LHFPL3: variants seen among roughly 807,000 people sequenced by gnomAD.
LHFPL3 encodes the protein LHFPL tetraspan subfamily member 3 protein.
Under a neutral mutation model 19.3 loss-of-function variants are expected in LHFPL3, and 5 were observed. The observed-to-expected ratio is 0.26, with a 90% CI of 0.14 to 0.54. LHFPL3 has a LOEUF of 0.54. Ranked by LOEUF, LHFPL3 falls within the 20% of genes least tolerant of loss-of-function variation. LHFPL3 has a pLI of 0.94. For synonymous variants in LHFPL3, 133 were observed against 126.2 expected (o/e 1.05, Z -0.36); for missense variants, 249 against 307.4 (o/e 0.81, Z 1.42).
At chr7:104,773,271 G>A (rs1018893309) in intron 2 of LHFPL3, among the ~76,000 whole-genome samples, 6 of 152,188 alleles carry the variant, frequency 3.9e-5, no homozygotes, top group Non-Finnish European at 8.8e-5. Context: ...GTGCCTCTGG[G>A]GGTGGGCCCA....
At chr7:104,899,348 A>G (rs1348263915) in intron 2 of LHFPL3, among the ~76,000 whole-genome samples, 3 of 152,152 alleles carry the variant, frequency 2.0e-5, no homozygotes, top group African/African-American at 4.8e-5. Context: ...CTGAACACAC[A>G]CATTTAACCA....
chr7:104,898,962 G>A (rs1750090782), intron 2 of LHFPL3, among the ~76,000 whole-genome samples: 3 of 152,146 alleles, frequency 2.0e-5, no homozygotes, highest in South Asian at 2.1e-4. Flanking sequence ...AATTAGCCAG[G>A]CATGGTGGTA....
chr7:104,642,786 G>A (rs758666063), intron 1 of LHFPL3, among the ~76,000 whole-genome samples: 9 of 152,198 alleles, frequency 5.9e-5, no homozygotes, highest in Non-Finnish European at 8.8e-5. Context: ...TCCGTCAGAA[G>A]GCAGCTGGTG....
At chr7:104,757,987 TGTG>T (rs1438472967) in intron 2 of LHFPL3, among the ~76,000 whole-genome samples, 2 of 152,124 alleles carry the variant, frequency 1.3e-5, no homozygotes, top group Non-Finnish European at 2.9e-5. Flanking sequence ...ATAAAGAAAA[TGTG>T]GTACATATAC....
intron 1 of LHFPL3, among the ~76,000 whole-genome samples, chr7:104,575,472 G>A (rs1241722751): frequency 6.9e-6 from 1 of 145,308 alleles, no homozygotes. Flanking sequence ...AAAGTGTTAT[G>A]TGCAATTTTT....
chr7:104,880,037 C>CAA (rs531448501), intron 2 of LHFPL3, among the ~76,000 whole-genome samples: 2,387 of 142,762 alleles, frequency 0.017, 50 homozygotes, highest in African/African-American at 0.058. Flanking sequence ...TCTGTCTCTT[C>CAA]AAAAAAAAAA....
chr7:104,730,206 C>T (rs942851172), intron 1 of LHFPL3, among the ~76,000 whole-genome samples: 2 of 152,086 alleles, frequency 1.3e-5, no homozygotes, highest in South Asian at 2.1e-4. Flanking sequence ...AGTAAACATA[C>T]GTGTACATGT....
At chr7:104,771,104 A>T (rs1794542693) in intron 2 of LHFPL3, among the ~76,000 whole-genome samples, 1 of 152,108 alleles carries the variant, frequency 6.6e-6, no homozygotes, top group South Asian at 2.1e-4. Flanking sequence ...CAGCCCTTCC[A>T]GTTCTTTCTC....
At chr7:104,575,933 G>A (rs1790329895) in intron 1 of LHFPL3, among the ~76,000 whole-genome samples, 2 of 152,076 alleles carry the variant, frequency 1.3e-5, no homozygotes, top group Non-Finnish European at 2.9e-5. Context: ...TTTTGGAAAG[G>A]GTGGCTAAGG....
chr7:104,442,519 A>C (rs1792247637), intron 1 of LHFPL3, among the ~76,000 whole-genome samples: 1 of 152,202 alleles, frequency 6.6e-6, no homozygotes, highest in Admixed American at 6.5e-5. Flanking sequence ...AACTCAGTAC[A>C]TTGCTAAAGC....
At position 104,513,744 on chromosome 7, in the gene LHFPL3, A is replaced by G. The variant is rs571241648; in HGVS notation, c.445+184520A>G. On this transcript the variant is annotated intron_variant, in intron 1 of 2. Coordinates refer to ENST00000424859, the MANE Select transcript of LHFPL3 (RefSeq NM_199000.3). ...TCAGGGGAGCTTTAAAAAAATACCA[A>G]TATCTGGATCCCATCCCCAAGAATT... Among the ~76,000 whole-genome samples, 11 of 152,294 alleles carry G rather than the reference A, an allele frequency of 7.2e-5. No homozygotes were observed. The East Asian group carries it at 1.9e-3, about 27-fold the overall frequency.
Position 104,546,678 on chromosome 7 carries a change from G to C in LHFPL3, c.446-189997G>C, listed in dbSNP as rs543777220. 2.0e-5 allele frequency among the ~76,000 whole-genome samples: 3 copies of C among 152,274 alleles called. No homozygotes were observed. In the South Asian group the frequency reaches 6.2e-4, roughly 32 times the overall value. ...CTGTAGCTGTACAAAATCATATAGAGAGCTCACCACTTTCAATTAATTCGG... is the reference window on the plus strand; with the variant it reads ...CTGTAGCTGTACAAAATCATATAGACAGCTCACCACTTTCAATTAATTCGG... On this transcript the variant is annotated intron_variant, in intron 1 of 2. Transcript: ENST00000424859.
chr7:104,379,136 C>T (rs976938644), intron 1 of LHFPL3, among the ~76,000 whole-genome samples: 3 of 152,222 alleles, frequency 2.0e-5, no homozygotes, highest in South Asian at 4.1e-4. Context: ...CCAGATGGCC[C>T]GAAGATACAG....
At chr7:104,490,871 T>C (rs1378103023) in intron 1 of LHFPL3, among the ~76,000 whole-genome samples, 1 of 152,128 alleles carries the variant, frequency 6.6e-6, no homozygotes, top group Non-Finnish European at 1.5e-5. Context: ...GTGCCACCTC[T>C]TTTTTTCGTA....
At chr7:104,697,851 A>G (rs1242829199) in intron 1 of LHFPL3, among the ~76,000 whole-genome samples, 1 of 152,258 alleles carries the variant, frequency 6.6e-6, no homozygotes, top group Admixed American at 6.5e-5. Flanking sequence ...ATGGATTAGC[A>G]TCCAAGGGAT....
intron 1 of LHFPL3, among the ~76,000 whole-genome samples, chr7:104,345,313 C>G (rs1790042717): frequency 6.6e-6 from 1 of 151,632 alleles, no homozygotes; most frequent in South Asian, 2.1e-4. Context: ...CCAGCTTTAA[C>G]TTTGTTGATT....
intron 1 of LHFPL3, among the ~76,000 whole-genome samples, chr7:104,493,305 C>G (rs66591764): frequency 0.11 from 16,339 of 151,802 alleles, 924 homozygotes; most frequent in Non-Finnish European, 0.12. Context: ...TCTTCCTACC[C>G]TACCCCAGGG....
chr7:104,480,962 C>T (rs1265016809), intron 1 of LHFPL3, among the ~76,000 whole-genome samples: 1 of 152,150 alleles, frequency 6.6e-6, no homozygotes, highest in African/African-American at 2.4e-5. Context: ...TAGGGAACCA[C>T]CTGTGGGGAG....
chr7:104,845,990 TG>T (rs1791305481), intron 2 of LHFPL3, among the ~76,000 whole-genome samples: 1 of 152,230 alleles, frequency 6.6e-6, no homozygotes, highest in Non-Finnish European at 1.5e-5. Flanking sequence ...ATTATTTTCC[TG>T]TGTACACATA....
Sources: gnomAD v4.1 joint callset for allele counts (sites outside exome capture counted in the v4.1 genomes callset) on GRCh38, gnomAD v4.1.1 for gene constraint, MANE v1.5 for transcripts, NCBI Gene and HGNC (gene_info 2026-07-23, HGNC 2026-07-21) for gene names.